ASPHD1: variants seen among roughly 807,000 people sequenced by gnomAD.
ASPHD1 encodes aspartate beta-hydroxylase domain-containing protein 1.
In ASPHD1, 20 loss-of-function variants were observed where a neutral mutation model predicts 28.3. The ratio of observed to expected loss-of-function variants is 0.71; its 90% CI spans 0.50 to 1.03. The LOEUF is 1.03. Among genes scored for constraint, ASPHD1 ranks in the 50% least tolerant of loss-of-function variants. The probability of loss-of-function intolerance (pLI) is 0.00; values close to 1 mark genes in which losing one functional copy is unlikely to be tolerated. For synonymous variants in ASPHD1, 240 were observed against 221.2 expected, an observed-to-expected ratio of 1.08 and a Z score of -0.75; for missense variants, 479 against 524.1, an observed-to-expected ratio of 0.91 and a Z score of 0.84.
At chr16:29,914,205 C>A (rs1315201485) in intron 3 of ASPHD1, 1 of 152,142 alleles carries the variant, frequency 6.6e-6, no homozygotes, top group Non-Finnish European at 1.5e-5. Context: ...GAACGAGCAC[C>A]AGGGGACGAG....
intron 3 of ASPHD1, among the ~76,000 whole-genome samples, chr16:29,916,876 G>C (rs1281139763): frequency 6.6e-6 from 1 of 152,196 alleles, no homozygotes; most frequent in Non-Finnish European, 1.5e-5. Context: ...CTCTGGTTCT[G>C]AGACAGGTCA....
intron 1 of ASPHD1, among the ~76,000 whole-genome samples, chr16:29,902,644 A>T (rs951557836): frequency 5.3e-5 from 8 of 151,276 alleles, no homozygotes; most frequent in African/African-American, 1.9e-4. Context: ...AGTATCTGGG[A>T]CTACAGGCAC....
intron 1 of ASPHD1, among the ~76,000 whole-genome samples, chr16:29,903,588 G>A: frequency 6.6e-6 from 1 of 152,130 alleles, no homozygotes; most frequent in Non-Finnish European, 1.5e-5. Flanking sequence ...CCAGCTGGAT[G>A]TGTCCTACAC....
rs1026910057 is a variant in ASPHD1 at position 29,919,083 on chromosome 16, C to T, written c.*63-448C>T. ...TGCTGGGATTATAGGCGTGAGCCAC[C>T]GTGCCCACCCAATATCAGTCATTTA... On this transcript the variant is annotated intron_variant and NMD_transcript_variant, in intron 3 of 3. Transcript: ENST00000414952. 9.9e-5 allele frequency among the ~76,000 whole-genome samples: 15 copies of T among 152,100 alleles called. 1 individual carries two copies. Among genetic ancestry groups the T allele is most frequent in the African/African-American group, 2.2e-4 (9 of 41,422 alleles).
In ASPHD1 at chr16:29,904,914, G is replaced by A. The variant is rs1020209024; in HGVS notation, c.1012G>A (p.Gly338Arg). 2 of 1,613,584 alleles carry A rather than the reference G, an allele frequency of 1.2e-6. No homozygotes were observed. Among genetic ancestry groups the A allele is most frequent in the Admixed American group, 1.7e-5 (1 of 59,886 alleles). Residue 338 changes from glycine (G) to arginine (R), a missense_variant, in exon 2 of 3, where the codon GGG becomes AGG. Physicochemically the swap from Gly to Arg is moderately radical, Grantham distance 125 (BLOSUM62 -2). Coordinates refer to ENST00000308748, the MANE Select transcript of ASPHD1 (RefSeq NM_181718.4). ...VGGEPQCWAE[G>R]HCLLVDDSFL... is the part of the protein sequence containing the mutation. Reference sequence around the variant, plus strand: ...CGGTGAGCCCCAGTGCTGGGCTGAGGGGCACTGTCTACTGGTGGACGACTC... The same window carrying A: ...CGGTGAGCCCCAGTGCTGGGCTGAGAGGCACTGTCTACTGGTGGACGACTC...
intron 3 of ASPHD1, among the ~76,000 whole-genome samples, chr16:29,919,178 A>G (rs1473904066): frequency 6.6e-6 from 1 of 152,222 alleles, no homozygotes; most frequent in East Asian, 1.9e-4. Context: ...ACCGGGAGTA[A>G]ACAACCAGGC....
downstream of ASPHD1, among the ~76,000 whole-genome samples, chr16:29,908,895 G>A (rs138033987): frequency 1.7e-3 from 251 of 151,136 alleles, 1 homozygote; most frequent in African/African-American, 5.5e-3. Context: ...GGGTCTTGCT[G>A]TGTTGCCCAG....
Position 29,901,043 on chromosome 16 carries a change from A to T in ASPHD1, c.72A>T (p.Gly24=). 1.3e-6 allele frequency: 2 copies of T among 1,594,772 alleles called. No individual in the cohort carries two copies. The highest frequency in any genetic ancestry group is 1.7e-6 in the Non-Finnish European group (2 of 1,170,280). The change falls in exon 1 of 3, where the codon GGA becomes GGT. Residue 24 remains glycine (G), a synonymous_variant. Transcript: ENST00000308748. The surrounding 1 kb of genome is among the most constrained non-coding windows in gnomAD (Gnocchi z 5.1). Reference sequence around the variant, plus strand: ...AGGAGAGAGAGACAGCCCAGAGTGGAATGTGGAAGGGAAACAGTCCAGCGG... The same window carrying T: ...AGGAGAGAGAGACAGCCCAGAGTGGTATGTGGAAGGGAAACAGTCCAGCGG... ...PRKERETAQS[G]MWKGNSPAGS...
Position 29,901,034 on chromosome 16 carries a change from C to T in ASPHD1, c.63C>T (p.Ala21=). The T allele has an allele frequency of 6.3e-7, 1 of 1,585,824 alleles. No individual in the cohort carries two copies. The change falls in exon 1 of 3, where the codon GCC becomes GCT. Residue 21 remains alanine, a synonymous_variant. Transcript: ENST00000308748. This position sits in a 1 kb window ranked among gnomAD's most constrained non-coding sequence, Gnocchi z 5.1. ...ERGPRKERET[A]QSGMWKGNSP... ...GACCGCGGAAGGAGAGAGAGACAGC[C>T]CAGAGTGGAATGTGGAAGGGAAACA...
Position 29,906,027 on chromosome 16 carries a change from C to T in ASPHD1, c.*130C>T, listed in dbSNP as rs1597007442. On this transcript the variant is annotated 3_prime_UTR_variant, in exon 3 of 3. Coordinates refer to ENST00000308748, the MANE Select transcript of ASPHD1 (RefSeq NM_181718.4). ...GAGGATGGGAACTGGCTAGTGAGCA[C>T]TGAAATATAAATTCTGAATCCTCTC... 1.7e-6 allele frequency: 1 copy of T among 598,526 alleles called. No homozygotes were observed. The highest frequency in any genetic ancestry group is 2.8e-6 in the Non-Finnish European group (1 of 351,060). The allele number at this position is 598,526 out of a possible 1,614,324, so 37.1% of individuals were successfully genotyped here.
At position 29,904,974 on chromosome 16, in the gene ASPHD1, G is replaced by GTAA; in HGVS notation, c.1063+10_1063+11insAAT. 1 of 1,604,168 alleles carries GTAA rather than the reference G, an allele frequency of 6.2e-7. No homozygotes were observed. The highest frequency in any genetic ancestry group is 8.5e-7 in the Non-Finnish European group (1 of 1,172,502). On this transcript the variant is annotated intron_variant, in intron 2 of 2. Coordinates refer to ENST00000308748, the MANE Select transcript of ASPHD1 (RefSeq NM_181718.4). ...CACAGTGGCTCACAATGGTAACGGGGTGCCCATTCTGCAGGGGGGATGAGG... is the reference window on the plus strand; with the variant it reads ...CACAGTGGCTCACAATGGTAACGGGGTAATGCCCATTCTGCAGGGGGGATGAGG...
chr16:29,904,978 C>T lies in ASPHD1; in HGVS notation c.1063+13C>T. 6.3e-7 allele frequency: 1 copy of T among 1,598,484 alleles called. No homozygotes were observed. The highest frequency in any genetic ancestry group is 8.6e-7 in the Non-Finnish European group (1 of 1,167,548). ...GTGGCTCACAATGGTAACGGGGTGC[C>T]CATTCTGCAGGGGGGATGAGGGACT... On this transcript the variant is annotated intron_variant, in intron 2 of 2. Transcript: ENST00000308748.
At chr16:29,911,966 G>A (rs2068721259) in intron 3 of ASPHD1, 5 of 1,611,324 alleles carry the variant, frequency 3.1e-6, no homozygotes, top group Admixed American at 1.7e-5. Flanking sequence ...TCACCTTGGA[G>A]GTGCTGGCCA....
intron 2 of ASPHD1, among the ~76,000 whole-genome samples, chr16:29,905,400 C>T (rs1021049892): frequency 5.3e-5 from 8 of 152,006 alleles, no homozygotes; most frequent in East Asian, 3.9e-4. Context: ...CTGAGGTGGG[C>T]GGATCACCTG....
In ASPHD1 at chr16:29,904,906, G is replaced by A. The variant is rs1178335495; in HGVS notation, c.1004G>A (p.Trp335Ter). The A allele has an allele frequency of 3.7e-6, 6 of 1,613,468 alleles. No individual in the cohort carries two copies. The East Asian group carries it at 1.3e-4, about 36-fold the overall frequency. The change falls in exon 2 of 3, where the codon TGG becomes TAG. Residue 335 changes from tryptophan (W) to a stop codon, truncating the protein, a stop_gained. Coordinates refer to ENST00000308748, the MANE Select transcript of ASPHD1 (RefSeq NM_181718.4). LOFTEE classifies it high-confidence loss of function. ...GTGGTCGGCGGTGAGCCCCAGTGCT[G>A]GGCTGAGGGGCACTGTCTACTGGTG... ...ELVVGGEPQC[W>*]AEGHCLLVDD...
rs2068553300 is a variant in ASPHD1 at position 29,901,830 on chromosome 16, T to G, written c.859T>G (p.Phe287Val). ...TCGAAGCTTTATGAGTGCCAACACC[T>G]TCGGCAATGCCGGCTTTTCCGTTCT... ...GLRSFMSANTFGNAGFSVLLP... is the reference protein window; with the variant it reads ...GLRSFMSANTVGNAGFSVLLP... The change falls in exon 1 of 3, where the codon TTC becomes GTC. Residue 287 changes from phenylalanine to valine, a missense_variant. Phe to Val is a conservative substitution (Grantham distance 50). Transcript: ENST00000308748. The surrounding 1 kb of genome is among the most constrained non-coding windows in gnomAD (Gnocchi z 5.1). 6.4e-7 allele frequency: 1 copy of G among 1,552,464 alleles called. No individual in the cohort carries two copies. The highest frequency in any genetic ancestry group is 8.7e-7 in the Non-Finnish European group (1 of 1,150,798).
At chr16:29,911,834 T>G in intron 3 of ASPHD1, 1 of 1,612,678 alleles carries the variant, frequency 6.2e-7, no homozygotes, top group Non-Finnish European at 8.5e-7. Flanking sequence ...GAGTACTTGT[T>G]GTTACTGCGG....
Position 29,911,690 on chromosome 16 carries a change from G to C in ASPHD1, c.*62+5731G>C, listed in dbSNP as rs544369227. ...AGCGTCAGGGGTAAGAGGCGAAGCC[G>C]AATCTGCGAGCAGGCACAGATGTTC... On this transcript the variant is annotated intron_variant and NMD_transcript_variant, in intron 3 of 3. Transcript: ENST00000414952. The C allele has an allele frequency of 4.0e-6, 4 of 1,007,986 alleles. No homozygotes were observed. In the Admixed American group the frequency reaches 6.7e-5, roughly 17 times the overall value. 62.4% of individuals were successfully genotyped at this position (1,007,986 alleles called of 1,614,324 possible). A position where few individuals can be genotyped will look rare whatever the true frequency, so the allele number is the denominator to read the frequency against.
At chr16:29,912,100 C>G in intron 3 of ASPHD1, 1 of 1,274,146 alleles carries the variant, frequency 7.8e-7, no homozygotes, top group Non-Finnish European at 1.1e-6. Context: ...GCCACGTACT[C>G]CCCCACTTAA....
Sources: gnomAD v4.1 joint callset for allele counts (sites outside exome capture counted in the v4.1 genomes callset) on GRCh38, gnomAD v4.1.1 for gene constraint, Gnocchi (gnomAD v3.1) non-coding constraint, MANE v1.5 for transcripts, NCBI Gene and HGNC (gene_info 2026-07-23, HGNC 2026-07-21) for gene names.